The following SPATA16 variants were observed in gnomAD, a reference collection of about 807,000 sequenced individuals.
The protein encoded by SPATA16 is spermatogenesis-associated protein 16.
SPATA16 carries 36 observed loss-of-function variants against 63.3 expected under a neutral mutation model. The observed-to-expected ratio is 0.57, with a 90% CI of 0.44 to 0.75. SPATA16 has a LOEUF of 0.75. SPATA16 is among the 30% of genes least tolerant of loss of function. The pLI is 0.00. For synonymous variants in SPATA16, 203 were observed against 216.7 expected, an observed-to-expected ratio of 0.94 and a Z score of 0.56; for missense variants, 646 against 679.3, an observed-to-expected ratio of 0.95 and a Z score of 0.54.
chr3:173,019,789 A>T (rs1735278778), intron 3 of SPATA16, among the ~76,000 whole-genome samples: 1 of 152,180 alleles, frequency 6.6e-6, no homozygotes, highest in Non-Finnish European at 1.5e-5. Flanking sequence ...TTATCAAAGA[A>T]ATTTTATTTA....
chr3:173,072,579 T>G (rs1480754703), intron 2 of SPATA16, among the ~76,000 whole-genome samples: 1 of 152,228 alleles, frequency 6.6e-6, no homozygotes, highest in Non-Finnish European at 1.5e-5. Context: ...TTTCACTTGG[T>G]TCTCTCATTC....
chr3:172,975,081 GT>G (rs1161125025), intron 5 of SPATA16, among the ~76,000 whole-genome samples: 5 of 152,134 alleles, frequency 3.3e-5, no homozygotes, highest in African/African-American at 1.2e-4. Flanking sequence ...TTAGTCTGAG[GT>G]AAATAAAATA....
intron 2 of SPATA16, among the ~76,000 whole-genome samples, chr3:173,052,796 G>T (rs1488749090): frequency 1.3e-5 from 2 of 152,142 alleles, no homozygotes; most frequent in African/African-American, 4.8e-5. Flanking sequence ...AAGGGTATTT[G>T]TCTAGAAATG....
At chr3:173,079,919 G>A (rs1175235077) in intron 2 of SPATA16, among the ~76,000 whole-genome samples, 5 of 151,778 alleles carry the variant, frequency 3.3e-5, no homozygotes, top group Middle Eastern at 3.2e-3. Context: ...CAGCCTGCTG[G>A]GATAAGAGCT....
At chr3:173,036,494 C>T (rs549709919) in intron 3 of SPATA16, among the ~76,000 whole-genome samples, 1 of 152,036 alleles carries the variant, frequency 6.6e-6, no homozygotes, top group African/African-American at 2.4e-5. Flanking sequence ...ATATTACTAA[C>T]TCATGAATGG....
At chr3:173,029,861 T>A (rs1390935765) in intron 3 of SPATA16, among the ~76,000 whole-genome samples, 1 of 152,068 alleles carries the variant, frequency 6.6e-6, no homozygotes, top group Non-Finnish European at 1.5e-5. Flanking sequence ...TACTGCAGCC[T>A]CAACCTTAGT....
chr3:173,071,124 A>G (rs571591746), intron 2 of SPATA16, among the ~76,000 whole-genome samples: 2 of 152,294 alleles, frequency 1.3e-5, no homozygotes, highest in African/African-American at 2.4e-5. Context: ...ATATAGACCA[A>G]TGGAACAGAA....
At chr3:172,996,249 G>A (rs1371972132) in intron 4 of SPATA16, among the ~76,000 whole-genome samples, 4 of 152,014 alleles carry the variant, frequency 2.6e-5, no homozygotes, top group Non-Finnish European at 5.9e-5. Flanking sequence ...TATTAACTTT[G>A]ATTACTTAAT....
At chr3:173,070,394 CAAAA>C (rs34180269) in intron 2 of SPATA16, among the ~76,000 whole-genome samples, 5 of 92,974 alleles carry the variant, frequency 5.4e-5, no homozygotes. Context: ...GACTCTGTCT[CAAAA>C]AAAAAAAAAA....
At chr3:173,109,030 T>G (rs1040434382) in intron 2 of SPATA16, among the ~76,000 whole-genome samples, 3 of 152,220 alleles carry the variant, frequency 2.0e-5, no homozygotes, top group Admixed American at 2.0e-4. Context: ...TTCATAATCT[T>G]TTTTTATGGA....
chr3:173,113,705 T>G (rs1310214739), intron 2 of SPATA16, among the ~76,000 whole-genome samples: 1 of 152,200 alleles, frequency 6.6e-6, no homozygotes, highest in African/African-American at 2.4e-5. Context: ...AAACAAAACA[T>G]TCCTAATGGG....
chr3:173,080,423 A>T (rs1214387718), intron 2 of SPATA16, among the ~76,000 whole-genome samples: 1 of 150,876 alleles, frequency 6.6e-6, no homozygotes, highest in Admixed American at 6.6e-5. Flanking sequence ...TTCATGTTGA[A>T]ACGCCACAAT....
chr3:173,005,363 G>A (rs1734919670), intron 4 of SPATA16, among the ~76,000 whole-genome samples: 2 of 151,048 alleles, frequency 1.3e-5, no homozygotes, highest in Admixed American at 1.3e-4. Context: ...TGTAGAATCA[G>A]GAGGACATGA....
At chr3:172,929,457 A>G (rs1325793132) in intron 6 of SPATA16, among the ~76,000 whole-genome samples, 1 of 152,224 alleles carries the variant, frequency 6.6e-6, no homozygotes, top group Non-Finnish European at 1.5e-5. Context: ...CAGAAGGCTG[A>G]AACTGACCAC....
intron 6 of SPATA16, among the ~76,000 whole-genome samples, chr3:172,934,408 C>T (rs1401929735): frequency 1.3e-5 from 2 of 151,976 alleles, no homozygotes; most frequent in African/African-American, 4.8e-5. Context: ...ATGATGAAGC[C>T]ATAAGTAAGA....
intron 4 of SPATA16, among the ~76,000 whole-genome samples, chr3:173,017,479 C>T (rs1735220309): frequency 6.6e-6 from 1 of 152,160 alleles, no homozygotes; most frequent in Non-Finnish European, 1.5e-5. Context: ...TTGGCTCCAA[C>T]AGGCTTGATA....
chr3:172,985,015 A>G (rs912354929), intron 4 of SPATA16, among the ~76,000 whole-genome samples: 1 of 152,148 alleles, frequency 6.6e-6, no homozygotes, highest in African/African-American at 2.4e-5. Flanking sequence ...GATATATGGG[A>G]CGCCTGAGGC....
chr3:172,927,936 T>C (rs1158307369), intron 6 of SPATA16, among the ~76,000 whole-genome samples: 1 of 151,646 alleles, frequency 6.6e-6, no homozygotes, highest in African/African-American at 2.4e-5. Context: ...TGAGATGGAG[T>C]CTTGCTCTGT....
intron 6 of SPATA16, among the ~76,000 whole-genome samples, chr3:172,943,538 G>C (rs140487834): frequency 0.056 from 8,512 of 152,204 alleles, 341 homozygotes; most frequent in Non-Finnish European, 0.078. Flanking sequence ...TCAGGAGTTT[G>C]AGACCAGCCT....
Sources: allele counts gnomAD v4.1 joint callset (sites outside exome capture counted in the v4.1 genomes callset), GRCh38; gene constraint gnomAD v4.1.1; transcripts MANE v1.5; gene names NCBI Gene and HGNC (gene_info 2026-07-23, HGNC 2026-07-21).